Variants in PRUNE2 observed in about 807,000 individuals in gnomAD.
PRUNE2 encodes protein prune homolog 2.
In PRUNE2, 164 loss-of-function variants were observed where a neutral mutation model predicts 252.0. That is an observed-to-expected ratio of 0.65 (90% CI 0.57 to 0.74). The LOEUF is 0.74. PRUNE2 is among the 30% of genes least tolerant of loss of function. The probability of loss-of-function intolerance (pLI) is 0.00; values close to 1 mark genes in which losing one functional copy is unlikely to be tolerated. For synonymous variants in PRUNE2, 1,292 were observed against 1,350.2 expected (o/e 0.96, Z 0.94); for missense variants, 3,495 against 3,711.0 (o/e 0.94, Z 1.51).
intron 6 of PRUNE2, among the ~76,000 whole-genome samples, chr9:76,801,808 C>CT (rs1252857616): frequency 1.3e-5 from 2 of 152,116 alleles, no homozygotes. Flanking sequence ...GCCATCAGTG[C>CT]TGCGTACAGA....
intron 9 of PRUNE2, among the ~76,000 whole-genome samples, chr9:76,682,626 C>T (rs1417156504): frequency 1.3e-5 from 2 of 152,130 alleles, no homozygotes; most frequent in Non-Finnish European, 2.9e-5. Context: ...GCTTTAGCCT[C>T]CCAAAGTGCT....
intron 9 of PRUNE2, among the ~76,000 whole-genome samples, chr9:76,684,636 T>C (rs915761931): frequency 6.6e-6 from 1 of 152,228 alleles, no homozygotes; most frequent in African/African-American, 2.4e-5. Context: ...TTCATACTCA[T>C]TGTCCCACAA....
Position 76,642,039 on chromosome 9 carries a change from T to C in PRUNE2, c.8728+2700A>G, listed in dbSNP as rs1465965106. ...AAAAGAAAAGAAAAAGAAAAGAAACTCCTTGTTAAAATTACTTGGCATTAT... is the reference window on the plus strand; with the variant it reads ...AAAAGAAAAGAAAAAGAAAAGAAACCCCTTGTTAAAATTACTTGGCATTAT... On this transcript the variant is annotated intron_variant, in intron 12 of 18. Transcript: ENST00000376718. 9 of 1,176,890 alleles carry C rather than the reference T, an allele frequency of 7.6e-6. No individual in the cohort carries two copies. In the East Asian group the frequency reaches 1.8e-4, roughly 24 times the overall value. 72.9% of individuals were successfully genotyped at this position (1,176,890 alleles called of 1,614,324 possible). A position where few individuals can be genotyped will look rare whatever the true frequency, so the allele number is the denominator to read the frequency against.
intron 12 of PRUNE2, among the ~76,000 whole-genome samples, chr9:76,639,251 G>A (rs1047401101): frequency 1.3e-5 from 2 of 152,136 alleles, no homozygotes; most frequent in Admixed American, 1.3e-4. Context: ...CAGCACTTTG[G>A]GAGGCCGAGG....
intron 4 of PRUNE2, among the ~76,000 whole-genome samples, chr9:76,828,228 G>T (rs1487857658): frequency 6.6e-6 from 1 of 152,202 alleles, no homozygotes; most frequent in Admixed American, 6.5e-5. Flanking sequence ...AAAGACAAGA[G>T]GGAGGTCATG....
rs763691694 is a variant in PRUNE2 at position 76,708,204 on chromosome 9, T to C, written c.4070A>G (p.Glu1357Gly). 3 of 1,613,980 alleles carry C rather than the reference T, an allele frequency of 1.9e-6. No homozygotes were observed. Among genetic ancestry groups the C allele is most frequent in the Non-Finnish European group, 1.7e-6 (2 of 1,179,882 alleles). The stretch of plus-strand genomic sequence containing the variant: ...CAGTTCCTGGTCACTCTGCCCTTTT[T>C]CAGAAATCCCTGAGGCATTCTCCAC... ...SGVENASGISEKGQSDQELSS... is the reference protein window; with the variant it reads ...SGVENASGISGKGQSDQELSS... Residue 1357 changes from glutamate (E) to glycine (G), a missense_variant, in exon 8 of 19, where the codon GAA (glutamate) becomes GGA (glycine). Physicochemically the swap from Glu to Gly is moderately conservative, Grantham distance 98. Transcript: ENST00000376718.
At chr9:76,628,137 A>G (rs1835753287) in intron 16 of PRUNE2, among the ~76,000 whole-genome samples, 1 of 152,226 alleles carries the variant, frequency 6.6e-6, no homozygotes, top group Non-Finnish European at 1.5e-5. Context: ...TGATTCAGAT[A>G]CAGTGAACAA....
At chr9:76,669,326 CT>C (rs5898495) in intron 9 of PRUNE2, among the ~76,000 whole-genome samples, 134,656 of 150,162 alleles carry the variant, frequency 0.9, 61,648 homozygotes, top group Non-Finnish European at 0.99. Context: ...TTTCCTTTTT[CT>C]TTTTTTTTTG....
At chr9:76,669,326 C>T (rs201543419) in intron 9 of PRUNE2, among the ~76,000 whole-genome samples, 1 of 150,104 alleles carries the variant, frequency 6.7e-6, no homozygotes, top group Non-Finnish European at 1.5e-5. Context: ...TTTCCTTTTT[C>T]TTTTTTTTTT....
chr9:76,728,163 T>A (rs1292914865), intron 6 of PRUNE2, among the ~76,000 whole-genome samples: 4 of 152,178 alleles, frequency 2.6e-5, no homozygotes, highest in Non-Finnish European at 5.9e-5. Flanking sequence ...TTACAACTGT[T>A]CAATGAATGG....
At chr9:76,771,631 A>G (rs899986591) in intron 6 of PRUNE2, among the ~76,000 whole-genome samples, 1 of 152,248 alleles carries the variant, frequency 6.6e-6, no homozygotes, top group Non-Finnish European at 1.5e-5. Flanking sequence ...CAAATTGTAC[A>G]CATCAAAGCA....
At chr9:76,865,901 A>T (rs2060815285) in intron 1 of PRUNE2, among the ~76,000 whole-genome samples, 1 of 151,844 alleles carries the variant, frequency 6.6e-6, no homozygotes, top group South Asian at 2.1e-4. Flanking sequence ...AAGTTCCAAA[A>T]CTGAATTAAA....
intron 11 of PRUNE2, among the ~76,000 whole-genome samples, chr9:76,650,230 G>A (rs1588150478): frequency 1.4e-5 from 2 of 147,132 alleles, no homozygotes; most frequent in East Asian, 2.0e-4. Flanking sequence ...AATATAATGA[G>A]GTATATAATA....
At position 76,897,401 on chromosome 9, in the gene PRUNE2, T is replaced by A. The variant is rs1185986949; in HGVS notation, c.36+8527A>T. 3.2e-3 allele frequency among the ~76,000 whole-genome samples: 315 copies of A among 97,412 alleles called. 5 individuals carry two copies. The highest frequency in any genetic ancestry group is 0.015 in the African/African-American group (273 of 17,686). The allele number at this position is 97,412 out of a possible 152,430, so 63.9% of individuals were successfully genotyped here. ...CCTTAGGCAAACCTCTTTTTTTTTT[T>A]TTTTTTTTTTTTTTTTTTTTTTTTT... On this transcript the variant is annotated intron_variant, in intron 1 of 18. Transcript: ENST00000376718.
chr9:76,875,274 G>A (rs1286407299), intron 1 of PRUNE2, among the ~76,000 whole-genome samples: 5 of 152,168 alleles, frequency 3.3e-5, no homozygotes, highest in East Asian at 3.8e-4. Context: ...ATACTCTTCA[G>A]TACTGGAGAT....
intron 6 of PRUNE2, among the ~76,000 whole-genome samples, chr9:76,795,548 T>G (rs1554773733): frequency 6.6e-6 from 1 of 152,058 alleles, no homozygotes; most frequent in Non-Finnish European, 1.5e-5. Context: ...TAATAGCCCC[T>G]GGGGGGGAGC....
At chr9:76,836,266 C>T (rs35045046) in intron 4 of PRUNE2, among the ~76,000 whole-genome samples, 7,051 of 151,072 alleles carry the variant, frequency 0.047, 209 homozygotes, top group Non-Finnish European at 0.069. Flanking sequence ...TCACTTTTGG[C>T]ACAAACCCAG....
At chr9:76,743,250 T>C (rs1448450179) in intron 6 of PRUNE2, among the ~76,000 whole-genome samples, 2 of 152,186 alleles carry the variant, frequency 1.3e-5, no homozygotes, top group Admixed American at 6.5e-5. Context: ...TATAGCAGCA[T>C]GAGAATGGAC....
At chr9:76,634,357 T>C (rs899989772) in intron 15 of PRUNE2, among the ~76,000 whole-genome samples, 1 of 152,344 alleles carries the variant, frequency 6.6e-6, no homozygotes, top group African/African-American at 2.4e-5. Flanking sequence ...TAAACTACAT[T>C]TGGCTTGAGG....
Sources: gnomAD v4.1 joint callset for allele counts (sites outside exome capture counted in the v4.1 genomes callset) on GRCh38, gnomAD v4.1.1 for gene constraint, MANE v1.5 for transcripts, NCBI Gene and HGNC (gene_info 2026-07-23, HGNC 2026-07-21) for gene names.